Variants in ATG7 observed in about 807,000 individuals in gnomAD.
ATG7 encodes the protein ubiquitin-like modifier-activating enzyme ATG7.
In ATG7, 70 loss-of-function variants were observed where a neutral mutation model predicts 82.4. The ratio of observed to expected loss-of-function variants is 0.85; its 90% confidence interval spans 0.70 to 1.04. ATG7 has a LOEUF of 1.04. Among genes scored for constraint, ATG7 ranks in the 50% least tolerant of loss-of-function variants. The pLI, the probability that ATG7 is intolerant of heterozygous loss-of-function variation, is 0.00. For missense variants in ATG7, 792 were observed against 864.3 expected, an observed-to-expected ratio of 0.92 and a Z score of 1.05; for synonymous variants, 287 against 313.0, an observed-to-expected ratio of 0.92 and a Z score of 0.88.
intron 20 of ATG7, among the ~76,000 whole-genome samples, chr3:11,508,540 C>G (rs2091872997): frequency 6.6e-6 from 1 of 152,126 alleles, no homozygotes; most frequent in South Asian, 2.1e-4. Flanking sequence ...CTGCCTACCA[C>G]AAATTCCTGG....
chr3:11,313,544 A>T (rs1263829494), intron 8 of ATG7, 124 bp downstream of exon 8: 1 of 600,028 alleles, frequency 1.7e-6, no homozygotes, highest in African/African-American at 1.9e-5. Context: ...AATCCTCCAA[A>T]GGTGGTACTA....
At chr3:11,568,537 A>C in the ATG7 span, 7 of 1,546,904 alleles carry the variant, frequency 4.5e-6, no homozygotes, top group Non-Finnish European at 6.1e-6. This position sits in a 1 kb window ranked among gnomAD's most constrained non-coding sequence, Gnocchi z 5.9. Flanking sequence ...AGACAAAGAC[A>C]CTGAAAACAG....
chr3:11,417,835 A>T (rs1440440521), intron 19 of ATG7, among the ~76,000 whole-genome samples: 1 of 126,648 alleles, frequency 7.9e-6, no homozygotes, highest in African/African-American at 2.8e-5. Flanking sequence ...TTTTTGAGAC[A>T]GAGTCTTGCT....
At chr3:11,525,672 A>G (rs2092561848) in intron 20 of ATG7, among the ~76,000 whole-genome samples, 1 of 150,588 alleles carries the variant, frequency 6.6e-6, no homozygotes, top group Non-Finnish European at 1.5e-5. Flanking sequence ...CTCCTGCCTC[A>G]GCCTCCTGAG....
rs184020385 is a variant in ATG7 at position 11,446,685 on chromosome 3, C to T, written c.2079+19759C>T. On this transcript the variant is annotated intron_variant, in intron 20 of 20. Coordinates refer to ENST00000693202, the MANE Select transcript of ATG7 (RefSeq NM_001349232.2). The stretch of plus-strand genomic sequence containing the variant: ...ATGAATTCCTGACTTTTGACTTCTT[C>T]CTGTAAGATGCTACCCCACTGCCAG... 1,236 of 248,482 alleles carry T rather than the reference C, an allele frequency of 5.0e-3. 8 individuals are homozygous for T. Among genetic ancestry groups the T allele is most frequent in the Middle Eastern group, 0.02 (46 of 2,252 alleles). 15.4% of individuals were successfully genotyped at this position (248,482 alleles called of 1,614,324 possible). A position where few individuals can be genotyped will look rare whatever the true frequency, so the allele number is the denominator to read the frequency against.
At chr3:11,295,688 C>T (rs1175379798) in intron 3 of ATG7, among the ~76,000 whole-genome samples, 5 of 152,188 alleles carry the variant, frequency 3.3e-5, no homozygotes, top group Non-Finnish European at 7.3e-5. Flanking sequence ...AGTTTTTTTA[C>T]TGCTTAGAGT....
chr3:11,303,870 G>C (rs956718092), intron 5 of ATG7, among the ~76,000 whole-genome samples: 1 of 140,768 alleles, frequency 7.1e-6, no homozygotes, highest in African/African-American at 2.7e-5. Context: ...GTCAGGGATC[G>C]AGACCATCCT....
chr3:11,395,975 G>GC (rs2079226727), intron 19 of ATG7, among the ~76,000 whole-genome samples: 1 of 138,250 alleles, frequency 7.2e-6, no homozygotes, highest in Admixed American at 7.6e-5. Context: ...AGGTAGGGGG[G>GC]GAAGAGTAAA....
chr3:11,308,895 C>A, intron 6 of ATG7, 89 bp from the exon 7 acceptor site: 1 of 1,206,624 alleles, frequency 8.3e-7, no homozygotes, highest in Non-Finnish European at 1.2e-6. Flanking sequence ...AAAGAAGAGC[C>A]TGGTGCTTTT....
intron 20 of ATG7, among the ~76,000 whole-genome samples, chr3:11,510,817 A>G (rs902179258): frequency 2.0e-5 from 3 of 152,234 alleles, no homozygotes; most frequent in African/African-American, 7.2e-5. Flanking sequence ...TACACTGGTC[A>G]GCAATGTGCC....
At chr3:11,482,783 A>G (rs1332883857) in intron 20 of ATG7, among the ~76,000 whole-genome samples, 7 of 149,454 alleles carry the variant, frequency 4.7e-5, no homozygotes, top group African/African-American at 7.4e-5. Context: ...TTTTATTATC[A>G]TTTTTGTACC....
chr3:11,380,010 C>T lies in ATG7; in HGVS notation c.1914C>T (p.Pro638=), dbSNP rs774917196. The T allele has an allele frequency of 6.2e-6, 10 of 1,613,950 alleles. No homozygotes were observed. The highest frequency in any genetic ancestry group is 1.1e-5 in the South Asian group (1 of 91,080). The change falls in exon 19 of 21, where the codon CCC becomes CCT. Residue 638 remains proline (P), a synonymous_variant. Coordinates refer to ENST00000693202, the MANE Select transcript of ATG7 (RefSeq NM_001349232.2). ...GFLSRFDNVL[P]VSLAFDKCTA... is the part of the protein sequence containing the mutation. ...TTTCACGGTTTGATAATGTCCTTCC[C>T]GTCAGCCTGGCATTTGACAAATGTA...
chr3:11,305,594 T>C (rs150893622), intron 5 of ATG7, among the ~76,000 whole-genome samples: 1 of 152,356 alleles, frequency 6.6e-6, no homozygotes, highest in East Asian at 1.9e-4. Flanking sequence ...TTGTGATTTC[T>C]CTCTCTTCAA....
chr3:11,401,373 G>C (rs910943411), intron 19 of ATG7, among the ~76,000 whole-genome samples: 1 of 152,030 alleles, frequency 6.6e-6, no homozygotes, highest in African/African-American at 2.4e-5. Flanking sequence ...AATATCTTTG[G>C]TTTGGCTTAT....
chr3:11,456,070 TTGTC>T (rs1229875895), intron 20 of ATG7, among the ~76,000 whole-genome samples: 1 of 152,116 alleles, frequency 6.6e-6, no homozygotes, highest in African/African-American at 2.4e-5. Context: ...GTAACCGTCA[TTGTC>T]TGTTTAGAAT....
At chr3:11,368,047 G>A (rs2076742446) in intron 18 of ATG7, among the ~76,000 whole-genome samples, 1 of 151,802 alleles carries the variant, frequency 6.6e-6, no homozygotes, top group Non-Finnish European at 1.5e-5. Flanking sequence ...CCTTCCTATA[G>A]AGAGGTAAGC....
At chr3:11,513,786 G>T (rs1233545805) in intron 20 of ATG7, among the ~76,000 whole-genome samples, 1 of 152,260 alleles carries the variant, frequency 6.6e-6, no homozygotes, top group African/African-American at 2.4e-5. Context: ...TGCGAGGGCT[G>T]CCAGCATGCT....
intron 20 of ATG7, among the ~76,000 whole-genome samples, chr3:11,525,005 T>TTA (rs1182944916): frequency 6.6e-6 from 1 of 152,080 alleles, no homozygotes; most frequent in African/African-American, 2.4e-5. Flanking sequence ...TTAAGGGTAT[T>TTA]TATTCCTCTG....
At chr3:11,275,272 T>C (rs1941471921) in intron 1 of ATG7, among the ~76,000 whole-genome samples, 1 of 152,194 alleles carries the variant, frequency 6.6e-6, no homozygotes, top group South Asian at 2.1e-4. Context: ...CTGATTTTAT[T>C]TGGAATTCAG....
Sources: allele counts gnomAD v4.1 joint callset (sites outside exome capture counted in the v4.1 genomes callset), GRCh38; gene constraint gnomAD v4.1.1; non-coding constraint Gnocchi (gnomAD v3.1); transcripts MANE v1.5; gene names NCBI Gene and HGNC (gene_info 2026-07-23, HGNC 2026-07-21).